EHMT1: variants seen among roughly 807,000 people sequenced by gnomAD.
EHMT1 encodes the protein euchromatic histone lysine methyltransferase 1.
A neutral mutation model predicts 147.2 loss-of-function variants in EHMT1; 15 were observed. That is an observed-to-expected ratio of 0.10 (90% CI 0.07 to 0.16). The LOEUF (loss-of-function observed/expected upper bound fraction) is 0.16. Among genes scored for constraint, EHMT1 ranks in the 10% least tolerant of loss-of-function variants. The pLI is 1.00. For synonymous variants in EHMT1, 795 were observed against 709.6 expected (o/e 1.12, Z -1.91); for missense variants, 1,587 against 1,772.4 (o/e 0.90, Z 1.88).
Position 137,798,983 on chromosome 9 carries a change from T to A in EHMT1, c.2607+69T>A. The A allele has an allele frequency of 2.3e-6, 3 of 1,294,824 alleles. No homozygotes were observed. The South Asian group carries it at 3.6e-5, about 15-fold the overall frequency. 80.2% of individuals were successfully genotyped at this position (1,294,824 alleles called of 1,614,324 possible). ...CTACGGAAACTCACTGTTCTGCAGC[T>A]CCTGGTCCCACCCCCATTCTCCATG... On this transcript the variant is annotated intron_variant, in intron 17 of 26. Coordinates refer to ENST00000460843, the MANE Select transcript of EHMT1 (RefSeq NM_024757.5).
chr9:137,834,436 G>A lies in EHMT1; in HGVS notation c.3628G>A (p.Val1210Met), dbSNP rs1015778887. 2 of 1,613,256 alleles carry A rather than the reference G, an allele frequency of 1.2e-6. No individual in the cohort carries two copies. Among genetic ancestry groups the A allele is most frequent in the Non-Finnish European group, 1.7e-6 (2 of 1,179,806 alleles). Residue 1210 changes from valine to methionine, a missense_variant, in exon 26 of 27, where the codon GTG becomes ATG. This residue lies in a region of EHMT1 where 141 missense variants were observed against 150.8 expected (regional missense o/e 0.94). Coordinates refer to ENST00000460843, the MANE Select transcript of EHMT1 (RefSeq NM_024757.5). The stretch of plus-strand genomic sequence containing the variant: ...CCACTGCGAGCCCAACCTGGTGCCC[G>A]TGCGCGTGTTCATGGCCCACCAGGA... ...NHHCEPNLVP[V>M]RVFMAHQDLR...
At chr9:137,716,402 T>TG (rs1372625871) in intron 2 of EHMT1, among the ~76,000 whole-genome samples, 2 of 19,832 alleles carry the variant, frequency 1.0e-4, no homozygotes, top group African/African-American at 5.8e-4. Flanking sequence ...GGTGTCATGG[T>TG]GGGGGAGGAA....
At position 137,703,746 on chromosome 9, in the gene EHMT1, C is replaced by G. The variant is rs115171556; in HGVS notation, c.22-7221C>G. On this transcript the variant is annotated intron_variant, in intron 1 of 26. Coordinates refer to ENST00000460843, the MANE Select transcript of EHMT1 (RefSeq NM_024757.5). The stretch of plus-strand genomic sequence containing the variant: ...TCTAGGAAGTTCATCTTCCTTTCTT[C>G]TTCCTAGCCCTTTAACCTGTTCAAA... 5.7e-3 allele frequency among the ~76,000 whole-genome samples: 862 copies of G among 152,274 alleles called. 11 individuals carry two copies. Among genetic ancestry groups the G allele is most frequent in the African/African-American group, 0.02 (816 of 41,548 alleles).
chr9:137,739,376 GAAAA>G (rs905066743), intron 4 of EHMT1, among the ~76,000 whole-genome samples: 12 of 150,764 alleles, frequency 8.0e-5, no homozygotes, highest in Non-Finnish European at 7.4e-5. Flanking sequence ...AAAAAAGAAA[GAAAA>G]AGTAAACTTA....
chr9:137,827,463 C>A (rs573005125), intron 25 of EHMT1, among the ~76,000 whole-genome samples: 1 of 152,322 alleles, frequency 6.6e-6, no homozygotes, highest in South Asian at 2.1e-4. Context: ...ACCCCAGACC[C>A]CTGTCCACCT....
intron 1 of EHMT1, among the ~76,000 whole-genome samples, chr9:137,642,159 C>T (rs1460589836): frequency 1.3e-5 from 2 of 152,078 alleles, no homozygotes; most frequent in African/African-American, 2.4e-5. Context: ...TTAATCTATT[C>T]CCCCAGTCTC....
intron 18 of EHMT1, among the ~76,000 whole-genome samples, chr9:137,807,025 T>G (rs1954004648): frequency 6.6e-6 from 1 of 152,268 alleles, no homozygotes; most frequent in African/African-American, 2.4e-5. Context: ...ATTTGATTAC[T>G]GAAGTGCTTT....
rs1306584891 is a variant in EHMT1, at chr9:137,787,969, GC to G, written c.2383-2873del. On this transcript the variant is annotated intron_variant, in intron 15 of 26. Transcript: ENST00000460843. The surrounding 1 kb of genome is among the most constrained non-coding windows in gnomAD (Gnocchi z 4.2). ...GAGGCCCTGTGTCCCCCACTGGACA[GC>G]CCCCCAGGAACTGAGGTGCCCTGCA... The G allele has an allele frequency of 4.7e-6, 7 of 1,488,918 alleles. No individual in the cohort carries two copies. Among genetic ancestry groups the G allele is most frequent in the Non-Finnish European group, 5.6e-6 (6 of 1,073,990 alleles). The allele number at this position is 1,488,918 out of a possible 1,614,324, so 92.2% of individuals were successfully genotyped here.
intron 1 of EHMT1, among the ~76,000 whole-genome samples, chr9:137,643,686 C>T (rs755317964): frequency 3.2e-4 from 48 of 152,142 alleles, no homozygotes; most frequent in Non-Finnish European, 4.0e-4. Context: ...TATTGTCTGG[C>T]TGCACTCCAT....
At chr9:137,624,489 T>G (rs1843132099) in intron 1 of EHMT1, among the ~76,000 whole-genome samples, 1 of 152,066 alleles carries the variant, frequency 6.6e-6, no homozygotes, top group Non-Finnish European at 1.5e-5. Context: ...CTAATTTTTG[T>G]AATTTTAGTA....
intron 10 of EHMT1, chr9:137,763,222 C>CCTG: frequency 2.6e-6 from 1 of 386,658 alleles, no homozygotes; most frequent in Non-Finnish European, 4.8e-6. Flanking sequence ...AGGGCCGGGC[C>CCTG]TCGGCCACCT....
intron 18 of EHMT1, among the ~76,000 whole-genome samples, chr9:137,808,703 T>C (rs1954161656): frequency 6.6e-6 from 1 of 151,874 alleles, no homozygotes; most frequent in East Asian, 1.9e-4. Flanking sequence ...GGCAGATCAC[T>C]TGAGGTCAGG....
At chr9:137,625,787 A>G (rs1843215004) in intron 1 of EHMT1, among the ~76,000 whole-genome samples, 1 of 150,898 alleles carries the variant, frequency 6.6e-6, no homozygotes. Flanking sequence ...ATTTTTGACC[A>G]CTTCTCAATT....
chr9:137,734,534 AG>A (rs1947371624), intron 4 of EHMT1, among the ~76,000 whole-genome samples: 1 of 152,234 alleles, frequency 6.6e-6, no homozygotes, highest in East Asian at 1.9e-4. Context: ...GTGGGAGTCC[AG>A]GAAGAAGAGA....
intron 1 of EHMT1, among the ~76,000 whole-genome samples, chr9:137,623,146 G>A (rs932371500): frequency 2.0e-5 from 3 of 150,458 alleles, no homozygotes; most frequent in Non-Finnish European, 3.0e-5. Flanking sequence ...CCGGGAGGTG[G>A]AGCTTGTAGT....
At chr9:137,675,365 T>A (rs1166300366) in intron 1 of EHMT1, among the ~76,000 whole-genome samples, 1 of 152,118 alleles carries the variant, frequency 6.6e-6, no homozygotes, top group African/African-American at 2.4e-5. Flanking sequence ...GCGGTGGAAT[T>A]TGATGGAATA....
intron 4 of EHMT1, among the ~76,000 whole-genome samples, chr9:137,734,159 A>AGATCT (rs1947341935): frequency 6.6e-6 from 1 of 152,208 alleles, no homozygotes; most frequent in Non-Finnish European, 1.5e-5. Flanking sequence ...TTCCCAGAAA[A>AGATCT]GATCTGATGC....
At chr9:137,628,002 G>A (rs1330519893) in intron 1 of EHMT1, among the ~76,000 whole-genome samples, 2 of 152,210 alleles carry the variant, frequency 1.3e-5, no homozygotes, top group Admixed American at 1.3e-4. Context: ...GAGCCACCAT[G>A]CCCGGCCATT....
chr9:137,710,790 G>C (rs1564618365), intron 1 of EHMT1, among the ~76,000 whole-genome samples, 177 bp from the exon 2 acceptor site: 2 of 152,162 alleles, frequency 1.3e-5, no homozygotes, highest in Non-Finnish European at 2.9e-5. Flanking sequence ...ACTGTGTTCT[G>C]AATGCCAGTT....
Sources: gnomAD v4.1 joint callset for allele counts (sites outside exome capture counted in the v4.1 genomes callset) on GRCh38, gnomAD v4.1.1 for gene constraint, gnomAD v4.1.1 regional missense constraint, Gnocchi (gnomAD v3.1) non-coding constraint, MANE v1.5 for transcripts, NCBI Gene and HGNC (gene_info 2026-07-23, HGNC 2026-07-21) for gene names.